Variants in SENP1 observed in about 807,000 individuals in gnomAD.
SENP1 encodes sentrin-specific protease 1.
In SENP1, 21 loss-of-function variants were observed where a neutral mutation model predicts 93.0. That is an observed-to-expected ratio of 0.23 (90% confidence interval 0.16 to 0.33). SENP1 has a LOEUF of 0.33. Ranked by LOEUF, SENP1 falls within the 10% of genes least tolerant of loss-of-function variation. The pLI is 1.00. For missense variants in SENP1, 591 were observed against 758.7 expected (o/e 0.78, Z 2.60); for synonymous variants, 256 against 259.6 (o/e 0.99, Z 0.13).
At chr12:48,074,253 C>A in intron 8 of SENP1, 71 bp downstream of exon 8, 1 of 1,212,058 alleles carries the variant, frequency 8.3e-7, no homozygotes, top group Non-Finnish European at 1.2e-6. Flanking sequence ...TACAATGTTG[C>A]CTGTAATGAG....
chr12:48,084,623 A>AT (rs1354168782), intron 5 of SENP1, among the ~76,000 whole-genome samples: 6 of 151,798 alleles, frequency 4.0e-5, no homozygotes, highest in Admixed American at 3.3e-4. Flanking sequence ...TGATTTTTGT[A>AT]TTTTTGTAGA....
chr12:48,097,052 C>T (rs1302679265), intron 3 of SENP1, among the ~76,000 whole-genome samples: 1 of 151,990 alleles, frequency 6.6e-6, no homozygotes, highest in Non-Finnish European at 1.5e-5. Flanking sequence ...CATAGACAAT[C>T]TAATGAAATA....
Position 48,045,364 on chromosome 12 carries a change from C to T in SENP1, c.1893G>A (p.Arg631=). 2 of 1,613,708 alleles carry T rather than the reference C, an allele frequency of 1.2e-6. No homozygotes were observed. Among genetic ancestry groups the T allele is most frequent in the Middle Eastern group, 1.7e-4 (1 of 6,058 alleles). ...NFTQQHMPYF[R]KRMVWEILHR... is the part of the protein sequence containing the mutation. ...GGAGGATCTCCCAGACCATCCGCTT[C>T]CGGAAGTATGGCATGTGTTGCTGTA... Residue 631 remains arginine (R), a synonymous_variant, in exon 18 of 18, where the codon CGG becomes CGA. Coordinates refer to ENST00000549518, the MANE Select transcript of SENP1 (RefSeq NM_001267594.2).
Position 48,062,157 on chromosome 12 carries a change from T to C in SENP1, c.1407+1553A>G, listed in dbSNP as rs796957125. 7.9e-5 allele frequency among the ~76,000 whole-genome samples: 12 copies of C among 152,240 alleles called. 1 individual carries two copies. Among genetic ancestry groups the C allele is most frequent in the African/African-American group, 2.9e-4 (12 of 41,544 alleles). The stretch of plus-strand genomic sequence containing the variant: ...AAGAACTCAGCTCATATCCTACTGA[T>C]TGCTGCCCTCTAGGAGGTTTTCCAT... On this transcript the variant is annotated intron_variant, in intron 13 of 17. Transcript: ENST00000549518.
intron 4 of SENP1, among the ~76,000 whole-genome samples, chr12:48,091,010 A>C (rs776705247): frequency 9.9e-5 from 15 of 152,222 alleles, no homozygotes; most frequent in Admixed American, 3.3e-4. Context: ...ACATACATAC[A>C]CACAAAACTA....
chr12:48,056,082 ATTT>A (rs1162760560), intron 13 of SENP1, among the ~76,000 whole-genome samples: 2 of 123,756 alleles, frequency 1.6e-5, no homozygotes, highest in Non-Finnish European at 3.1e-5. Flanking sequence ...TATATTATAT[ATTT>A]ACCATACAGT....
intron 6 of SENP1, among the ~76,000 whole-genome samples, 183 bp from the exon 7 acceptor site, chr12:48,074,976 C>T (rs1450128454): frequency 6.6e-6 from 1 of 151,604 alleles, no homozygotes; most frequent in Non-Finnish European, 1.5e-5. Flanking sequence ...GGAGGACAAG[C>T]GGGGAGGATC....
chr12:48,092,233 G>C (rs1945269283), intron 4 of SENP1, among the ~76,000 whole-genome samples: 1 of 152,114 alleles, frequency 6.6e-6, no homozygotes, highest in Non-Finnish European at 1.5e-5. Context: ...GTCAGGATCA[G>C]CAGATAAAGG....
intron 2 of SENP1, among the ~76,000 whole-genome samples, chr12:48,098,422 A>G (rs1425417940): frequency 6.6e-6 from 1 of 151,908 alleles, no homozygotes; most frequent in Non-Finnish European, 1.5e-5. Flanking sequence ...AGGCGGGTGG[A>G]TCACGGGGTC....
chr12:48,081,764 C>G (rs1944507896), intron 6 of SENP1, among the ~76,000 whole-genome samples: 3 of 151,974 alleles, frequency 2.0e-5, no homozygotes, highest in Non-Finnish European at 4.4e-5. Flanking sequence ...CAGGATCTCA[C>G]TATGTTGCCT....
intron 13 of SENP1, among the ~76,000 whole-genome samples, chr12:48,053,402 C>T (rs904317839): frequency 6.8e-5 from 10 of 147,308 alleles, no homozygotes; most frequent in African/African-American, 1.0e-4. Context: ...CACTTTAGCT[C>T]GGGAGTTTGA....
At chr12:48,050,157 A>T (rs963610125) in intron 13 of SENP1, among the ~76,000 whole-genome samples, 35 of 152,194 alleles carry the variant, frequency 2.3e-4, no homozygotes, top group African/African-American at 8.0e-4. Flanking sequence ...GCAAGGAATG[A>T]ATGGGCTAAC....
At chr12:48,086,977 T>A (rs1268902790) in intron 5 of SENP1, among the ~76,000 whole-genome samples, 1 of 150,786 alleles carries the variant, frequency 6.6e-6, no homozygotes, top group Non-Finnish European at 1.5e-5. Context: ...AGGCGGAGGT[T>A]GCAGTGAGCC....
At chr12:48,059,858 C>A (rs1392641739) in intron 13 of SENP1, among the ~76,000 whole-genome samples, 1 of 152,150 alleles carries the variant, frequency 6.6e-6, no homozygotes, top group Admixed American at 6.5e-5. Flanking sequence ...TCTGAAGATT[C>A]TATTCAATGC....
At chr12:48,045,470 G>T in intron 17 of SENP1, 86 bp from the exon 18 acceptor site, 2 of 1,088,016 alleles carry the variant, frequency 1.8e-6, no homozygotes, top group South Asian at 1.3e-5. Flanking sequence ...CTTTTGCAAG[G>T]TTTTCAACAA....
intron 4 of SENP1, among the ~76,000 whole-genome samples, chr12:48,090,224 A>G (rs1202358037): frequency 6.6e-6 from 1 of 152,246 alleles, no homozygotes; most frequent in African/African-American, 2.4e-5. Context: ...GAGTCTTAGT[A>G]AAGAACTAGA....
intron 6 of SENP1, chr12:48,080,217 C>T (rs1268590747): frequency 6.6e-6 from 1 of 152,186 alleles, no homozygotes; most frequent in East Asian, 1.9e-4. Context: ...TAGCCACTAG[C>T]CACATGTGGC....
chr12:48,096,493 T>G, intron 3 of SENP1, 66 bp from the exon 4 acceptor site: 1 of 983,648 alleles, frequency 1.0e-6, no homozygotes, highest in Non-Finnish European at 1.6e-6. Flanking sequence ...CTCACTCTTG[T>G]TGCCCAGGCT....
intron 3 of SENP1, among the ~76,000 whole-genome samples, chr12:48,096,986 A>G (rs1945613155): frequency 6.6e-6 from 1 of 151,988 alleles, no homozygotes; most frequent in South Asian, 2.1e-4. Flanking sequence ...AACTCAATAT[A>G]ATTATATTTA....
Sources: gnomAD v4.1 joint callset for allele counts (sites outside exome capture counted in the v4.1 genomes callset) on GRCh38, gnomAD v4.1.1 for gene constraint, MANE v1.5 for transcripts, NCBI Gene and HGNC (gene_info 2026-07-23, HGNC 2026-07-21) for gene names.